The following TIPARP variants were observed in gnomAD, a reference collection of about 807,000 sequenced individuals.
TIPARP encodes protein mono-ADP-ribosyltransferase TIPARP.
Under a neutral mutation model 56.5 loss-of-function variants are expected in TIPARP, and 12 were observed. That is an observed-to-expected ratio of 0.21 (90% CI 0.14 to 0.34). The LOEUF (loss-of-function observed/expected upper bound fraction) is 0.34, where lower values mean the gene tolerates loss of function less well. Among genes scored for constraint, TIPARP ranks in the 10% least tolerant of loss-of-function variants. The pLI is 1.00. For synonymous variants in TIPARP, 296 were observed against 265.7 expected (o/e 1.11, Z -1.11); for missense variants, 604 against 781.6 (o/e 0.77, Z 2.71).
chr3:156,680,019 A>G (rs1722254052), intron 2 of TIPARP, among the ~76,000 whole-genome samples: 2 of 152,182 alleles, frequency 1.3e-5, no homozygotes, highest in African/African-American at 4.8e-5. Flanking sequence ...TTTCAGTTAT[A>G]TAGTACATAA....
At chr3:156,697,382 C>CT (rs1203153789) in intron 4 of TIPARP, among the ~76,000 whole-genome samples, 1 of 145,894 alleles carries the variant, frequency 6.9e-6, no homozygotes, top group Non-Finnish European at 1.5e-5. Context: ...GAAAATGCGT[C>CT]TGTTTTTATC....
At chr3:156,695,592 A>G (rs943108194) in intron 3 of TIPARP, among the ~76,000 whole-genome samples, 5 of 151,980 alleles carry the variant, frequency 3.3e-5, no homozygotes, top group African/African-American at 7.3e-5. Flanking sequence ...TCTCTATGAT[A>G]TTATTAAGGC....
chr3:156,677,620 A>C (rs1435237300), intron 1 of TIPARP, 37 bp from the exon 2 acceptor site: 1 of 1,360,742 alleles, frequency 7.3e-7, no homozygotes, highest in East Asian at 2.3e-5. Context: ...AGTTGCTGTC[A>C]GTTTGTAAAT....
intron 2 of TIPARP, among the ~76,000 whole-genome samples, chr3:156,692,920 A>T (rs2108493667): frequency 6.6e-6 from 1 of 152,264 alleles, no homozygotes; most frequent in East Asian, 1.9e-4. Flanking sequence ...ACCACAGATC[A>T]AATTTAATAT....
In TIPARP at chr3:156,694,110, T is replaced by C. The variant is rs764659251; in HGVS notation, c.1008T>C (p.Ser336=). ...TACGAAGGCTGTCCACACCACCCTC[T>C]AGCAATGTCAACTCTATTTACCACA... The part of the protein sequence containing the change: ...DQLRRLSTPP[S]SNVNSIYHTV... Residue 336 remains serine (S), a synonymous_variant, in exon 3 of 6, where the codon TCT becomes TCC. Coordinates refer to ENST00000295924, the MANE Select transcript of TIPARP (RefSeq NM_015508.5). 5.0e-6 allele frequency: 8 copies of C among 1,613,548 alleles called. No individual in the cohort carries two copies. In the Admixed American group the frequency reaches 1.2e-4, roughly 24 times the overall value.
intron 2 of TIPARP, among the ~76,000 whole-genome samples, chr3:156,693,649 G>GT (rs1411066472): frequency 1.3e-5 from 2 of 152,236 alleles, no homozygotes; most frequent in South Asian, 4.1e-4. Flanking sequence ...GAAATTTTCT[G>GT]TCTATGTTTA....
chr3:156,691,698 CTGTT>C (rs1722579840), intron 2 of TIPARP, among the ~76,000 whole-genome samples: 1 of 152,118 alleles, frequency 6.6e-6, no homozygotes, highest in African/African-American at 2.4e-5. Context: ...AAAGCATTCC[CTGTT>C]TAAGGGAGAG....
intron 2 of TIPARP, among the ~76,000 whole-genome samples, chr3:156,681,954 G>C (rs1164190637): frequency 6.6e-6 from 1 of 151,862 alleles, no homozygotes; most frequent in African/African-American, 2.4e-5. Flanking sequence ...ACAGAGTCTG[G>C]AACAGTGTAG....
intron 2 of TIPARP, among the ~76,000 whole-genome samples, chr3:156,683,920 A>C (rs1250663344): frequency 1.3e-5 from 2 of 152,190 alleles, no homozygotes; most frequent in East Asian, 3.8e-4. Context: ...CAGATTCTGC[A>C]TCCTTTGTCT....
In TIPARP at chr3:156,695,952, A is replaced by C; in HGVS notation, c.1174A>C (p.Asn392His). 1 of 1,612,276 alleles carries C rather than the reference A, an allele frequency of 6.2e-7. No individual in the cohort carries two copies. The highest frequency in any genetic ancestry group is 8.5e-7 in the Non-Finnish European group (1 of 1,179,484). ...GTGGAATAACCACTACATCCTCCAC[A>C]ATTCATTCTTCAGGAGAGAGATAAA... Reference protein sequence around the residue: ...MMWNNHYILHNSFFRREIKRR... With the variant: ...MMWNNHYILHHSFFRREIKRR... Residue 392 changes from asparagine (N) to histidine (H), a missense_variant, in exon 4 of 6, where the codon AAT becomes CAT. Around this residue, in one of 4 missense-constraint regions of TIPARP, gnomAD observed 252 missense variants for 303.9 expected, o/e 0.83. Transcript: ENST00000295924.
Position 156,678,308 on chromosome 3 carries a change from A to T in TIPARP, c.611A>T (p.Asp204Val). ...ATCCAATACATTCTGGACACCAGTG[A>T]TAAGCTGAGTACTGAGCTCTTTCAG... is the stretch of plus-strand genomic sequence containing the variant. ...FTIQYILDTS[D>V]KLSTELFQDK... is the part of the protein sequence containing the mutation. The change falls in exon 2 of 6, where the codon GAT becomes GTT. Residue 204 changes from aspartate (D) to valine (V), a missense_variant. Physicochemically the swap from Asp to Val is radical, Grantham distance 152. Transcript: ENST00000295924. 1 of 1,614,218 alleles carries T rather than the reference A, an allele frequency of 6.2e-7. No homozygotes were observed. The highest frequency in any genetic ancestry group is 8.5e-7 in the Non-Finnish European group (1 of 1,180,042).
chr3:156,704,585 C>G (rs1247158846), intron 5 of TIPARP, 99 bp from the exon 6 acceptor site: 1 of 1,282,980 alleles, frequency 7.8e-7, no homozygotes, highest in Non-Finnish European at 1.1e-6. Context: ...CTTGATAACT[C>G]CTCATTAAAA....
At chr3:156,685,389 G>A (rs1258339144) in intron 2 of TIPARP, among the ~76,000 whole-genome samples, 1 of 152,230 alleles carries the variant, frequency 6.6e-6, no homozygotes, top group African/African-American at 2.4e-5. Context: ...GAGTGAGAAT[G>A]CTAGAGCAAC....
chr3:156,699,625 G>A (rs1722797261), intron 4 of TIPARP, among the ~76,000 whole-genome samples: 2 of 152,058 alleles, frequency 1.3e-5, no homozygotes, highest in South Asian at 2.1e-4. Context: ...CTAAAAAATT[G>A]TATTACTCAC....
intron 4 of TIPARP, among the ~76,000 whole-genome samples, chr3:156,699,404 A>G (rs1224083236): frequency 6.6e-6 from 1 of 152,192 alleles, no homozygotes; most frequent in Non-Finnish European, 1.5e-5. Context: ...AGCAATCACC[A>G]CCCTGATCAG....
intron 4 of TIPARP, among the ~76,000 whole-genome samples, chr3:156,701,653 A>G (rs1722846956): frequency 1.3e-5 from 2 of 152,202 alleles, no homozygotes; most frequent in African/African-American, 4.8e-5. Context: ...TCTCTTCAGG[A>G]AAGTGTACCA....
At chr3:156,684,448 G>A (rs1165993897) in intron 2 of TIPARP, among the ~76,000 whole-genome samples, 2 of 152,160 alleles carry the variant, frequency 1.3e-5, no homozygotes, top group Non-Finnish European at 2.9e-5. Flanking sequence ...TAGATGTGAA[G>A]GAATTCCTTT....
chr3:156,692,448 G>A (rs1267884647), intron 2 of TIPARP, among the ~76,000 whole-genome samples: 1 of 151,922 alleles, frequency 6.6e-6, no homozygotes, highest in Non-Finnish European at 1.5e-5. Flanking sequence ...TTTTAAAACA[G>A]TGGCCAAATA....
chr3:156,703,605 A>G lies in TIPARP; in HGVS notation c.1429A>G (p.Ile477Val). 6.2e-7 allele frequency: 1 copy of G among 1,614,238 alleles called. No homozygotes were observed. The highest frequency in any genetic ancestry group is 8.5e-7 in the Non-Finnish European group (1 of 1,180,050). Residue 477 changes from isoleucine to valine, a missense_variant, in exon 5 of 6, where the codon ATT (isoleucine) becomes GTT (valine). Transcript: ENST00000295924. ...VSAEDKSYRI[I>V]YNLFHKTVPE... ...TGCAGAGGATAAAAGTTATCGGATC[A>G]TTTACAATCTTTTTCATAAGACTGT...
Sources: gnomAD v4.1 joint callset for allele counts (sites outside exome capture counted in the v4.1 genomes callset) on GRCh38, gnomAD v4.1.1 for gene constraint, gnomAD v4.1.1 regional missense constraint, MANE v1.5 for transcripts, NCBI Gene and HGNC (gene_info 2026-07-23, HGNC 2026-07-21) for gene names.